Variants in MYO9B observed in about 807,000 individuals in gnomAD.
MYO9B encodes the protein myosin IXB, also known as unconventional myosin-IXb.
Under a neutral mutation model 229.5 loss-of-function variants are expected in MYO9B, and 71 were observed. That is an observed-to-expected ratio of 0.31 (90% CI 0.26 to 0.38). MYO9B has a LOEUF of 0.38. Among genes scored for constraint, MYO9B ranks in the 10% least tolerant of loss-of-function variants. MYO9B has a pLI of 1.00. For missense variants in MYO9B, 2,255 were observed against 2,920.5 expected, an observed-to-expected ratio of 0.77 and a Z score of 5.25; for synonymous variants, 1,185 against 1,235.8, an observed-to-expected ratio of 0.96 and a Z score of 0.86.
intron 1 of MYO9B, among the ~76,000 whole-genome samples, chr19:17,087,459 T>G (rs147635115): frequency 1.8e-4 from 27 of 152,204 alleles, no homozygotes; most frequent in Non-Finnish European, 3.8e-4. Flanking sequence ...GGGATGAGCT[T>G]CTTGGGAATA....
intron 19 of MYO9B, among the ~76,000 whole-genome samples, chr19:17,188,922 T>G (rs2072949602): frequency 6.7e-6 from 1 of 149,264 alleles, no homozygotes. Context: ...CCAAGGCAGG[T>G]GGATCACTTG....
At chr19:17,156,627 G>GA (rs2072540199) in intron 6 of MYO9B, among the ~76,000 whole-genome samples, 1 of 152,152 alleles carries the variant, frequency 6.6e-6, no homozygotes, top group Non-Finnish European at 1.5e-5. Context: ...TGAGGCTGTA[G>GA]AATCACTTGA....
chr19:17,183,296 G>T (rs1235455665), intron 15 of MYO9B, among the ~76,000 whole-genome samples: 3 of 152,122 alleles, frequency 2.0e-5, no homozygotes. Context: ...TGGTTATTTT[G>T]CAGGGCAAGT....
At chr19:17,125,708 G>A (rs924684483) in intron 2 of MYO9B, among the ~76,000 whole-genome samples, 10 of 152,114 alleles carry the variant, frequency 6.6e-5, no homozygotes, top group African/African-American at 1.7e-4. Flanking sequence ...GACATACGGC[G>A]TTGGGAGCAC....
chr19:17,188,069 G>A (rs770731517), intron 19 of MYO9B, 24 bp downstream of exon 19: 2 of 1,544,124 alleles, frequency 1.3e-6, no homozygotes, highest in East Asian at 4.8e-5. Flanking sequence ...ACATATACCT[G>A]GACACACCTG....
intron 1 of MYO9B, among the ~76,000 whole-genome samples, chr19:17,078,652 A>G (rs1393734930): frequency 2.0e-5 from 3 of 152,218 alleles, no homozygotes; most frequent in Non-Finnish European, 4.4e-5. Context: ...TGCAAGCTTT[A>G]GGACAAGGGG....
At position 17,167,199 on chromosome 19, in the gene MYO9B, AT is replaced by A. The variant is rs79129217; in HGVS notation, c.1672-727del. Among the ~76,000 whole-genome samples the A allele has an allele frequency of 3.6e-3, 487 of 134,492 alleles. 1 individual carries two copies. The highest frequency in any genetic ancestry group is 0.015 in the Middle Eastern group (4 of 262). 88.2% of individuals were successfully genotyped at this position (134,492 alleles called of 152,430 possible). The stretch of plus-strand genomic sequence containing the variant: ...AACATTGGCAGTCCAAAAGTTTTGG[AT>A]TTTTTTTTTTTTTTTTGAGATGGAG... On this transcript the variant is annotated intron_variant, in intron 10 of 39. Coordinates refer to ENST00000682292, the MANE Select transcript of MYO9B (RefSeq NM_004145.4).
chr19:17,116,209 G>A (rs1224609264), intron 2 of MYO9B, among the ~76,000 whole-genome samples: 1 of 152,168 alleles, frequency 6.6e-6, no homozygotes, highest in African/African-American at 2.4e-5. Flanking sequence ...TGCCTGCAGG[G>A]CGCACAGTCT....
chr19:17,195,035 T>C lies in MYO9B; in HGVS notation c.3608T>C (p.Leu1203Pro). ...DKKESREDET[L>P]LVVETEAENT... Reference sequence around the variant, plus strand: ...AAGGAGAGCAGAGAAGATGAAACCCTTCTAGTCGTAGAGACGGAGGCTGAG... The same window carrying C: ...AAGGAGAGCAGAGAAGATGAAACCCCTCTAGTCGTAGAGACGGAGGCTGAG... The change falls in exon 22 of 40, where the codon CTT becomes CCT. Residue 1203 changes from leucine to proline, a missense_variant. Coordinates refer to ENST00000682292, the MANE Select transcript of MYO9B (RefSeq NM_004145.4). This position sits in a 1 kb window ranked among gnomAD's most constrained non-coding sequence, Gnocchi z 4.5. 6.2e-7 allele frequency: 1 copy of C among 1,612,966 alleles called. No individual in the cohort carries two copies.
chr19:17,096,051 C>T (rs1234575616), intron 1 of MYO9B, among the ~76,000 whole-genome samples: 1 of 150,774 alleles, frequency 6.6e-6, no homozygotes, highest in Non-Finnish European at 1.5e-5. Context: ...GGATTACAGG[C>T]ATAAGCCACC....
chr19:17,080,120 G>A (rs541795922), intron 1 of MYO9B, among the ~76,000 whole-genome samples: 10 of 152,270 alleles, frequency 6.6e-5, no homozygotes, highest in African/African-American at 2.2e-4. Flanking sequence ...TGGGTTCGTC[G>A]GAGTGATGAA....
At chr19:17,180,476 C>T (rs942712548) in intron 14 of MYO9B, among the ~76,000 whole-genome samples, 30 of 150,638 alleles carry the variant, frequency 2.0e-4, no homozygotes, top group Middle Eastern at 3.4e-3. Context: ...CAGCCTCCCA[C>T]GTAGCTGGGA....
intron 2 of MYO9B, among the ~76,000 whole-genome samples, chr19:17,114,318 G>A (rs10421727): frequency 0.38 from 57,440 of 151,928 alleles, 11,738 homozygotes; most frequent in Middle Eastern, 0.52. Context: ...GGGCGTGGCG[G>A]GAAGCAGTTT....
At chr19:17,115,683 G>T (rs1358260126) in intron 2 of MYO9B, among the ~76,000 whole-genome samples, 1 of 151,728 alleles carries the variant, frequency 6.6e-6, no homozygotes, top group Non-Finnish European at 1.5e-5. Context: ...TGGCCTGGCT[G>T]GTCTCAAACT....
At chr19:17,184,076 T>C (rs1271133584) in intron 16 of MYO9B, 6 of 590,018 alleles carry the variant, frequency 1.0e-5, no homozygotes, top group African/African-American at 1.9e-5. Flanking sequence ...GATGGGGTAT[T>C]TGCACACACA....
intron 2 of MYO9B, among the ~76,000 whole-genome samples, chr19:17,142,501 T>C (rs970842240): frequency 1.3e-5 from 2 of 152,142 alleles, no homozygotes; most frequent in Non-Finnish European, 1.5e-5. Flanking sequence ...AACCCACTTA[T>C]CTTCCCACCA....
At chr19:17,206,224 A>AGCG in intron 32 of MYO9B, 24 bp from the exon 33 acceptor site, 4 of 1,563,232 alleles carry the variant, frequency 2.6e-6, no homozygotes, top group Non-Finnish European at 2.6e-6. Context: ...GCCGCTCACC[A>AGCG]GACCCACCCC....
At chr19:17,087,555 G>C (rs2057595214) in intron 1 of MYO9B, among the ~76,000 whole-genome samples, 1 of 152,170 alleles carries the variant, frequency 6.6e-6, no homozygotes. Context: ...AAGGTGTTCT[G>C]CACTGGGCAA....
At chr19:17,113,318 C>T (rs912482384) in intron 2 of MYO9B, among the ~76,000 whole-genome samples, 1 of 152,042 alleles carries the variant, frequency 6.6e-6, no homozygotes, top group Non-Finnish European at 1.5e-5. Context: ...GGAAGGCCAG[C>T]GTGTCCAGGG....
Sources: gnomAD v4.1 joint callset for allele counts (sites outside exome capture counted in the v4.1 genomes callset) on GRCh38, gnomAD v4.1.1 for gene constraint, Gnocchi (gnomAD v3.1) non-coding constraint, MANE v1.5 for transcripts, NCBI Gene and HGNC (gene_info 2026-07-23, HGNC 2026-07-21) for gene names.